Variants in NUBPL observed in about 807,000 individuals in gnomAD.
NUBPL encodes the protein NUBP iron-sulfur cluster assembly factor, mitochondrial, also known as iron-sulfur cluster transfer protein NUBPL.
NUBPL carries 31 observed loss-of-function variants against 45.7 expected under a neutral mutation model. That is an observed-to-expected ratio of 0.68 (90% confidence interval 0.51 to 0.92). The LOEUF is 0.92. Ranked by LOEUF, NUBPL falls within the 40% of genes least tolerant of loss-of-function variation. The pLI is 0.00. For synonymous variants in NUBPL, 144 were observed against 140.9 expected, an observed-to-expected ratio of 1.02 and a Z score of -0.15; for missense variants, 401 against 398.7, an observed-to-expected ratio of 1.01 and a Z score of -0.05.
chr14:31,826,049 T>A (rs1217814793), intron 7 of NUBPL, among the ~76,000 whole-genome samples: 1 of 152,060 alleles, frequency 6.6e-6, no homozygotes, highest in Non-Finnish European at 1.5e-5. Context: ...GCACATTATC[T>A]GAATGAGAAG....
At chr14:31,753,440 G>A (rs768793334) in intron 6 of NUBPL, among the ~76,000 whole-genome samples, 8 of 152,092 alleles carry the variant, frequency 5.3e-5, no homozygotes, top group East Asian at 1.9e-4. Flanking sequence ...CTAGACCACC[G>A]GGAGTATAGT....
chr14:31,577,939 A>ATAT (rs2033758875), intron 3 of NUBPL: 1 of 1,287,814 alleles, frequency 7.8e-7, no homozygotes, highest in African/African-American at 1.5e-5. Flanking sequence ...ATGCCATTAG[A>ATAT]GTGACCATGA....
intron 6 of NUBPL, among the ~76,000 whole-genome samples, chr14:31,698,074 T>G (rs1444345348): frequency 6.6e-6 from 1 of 152,204 alleles, no homozygotes; most frequent in African/African-American, 2.4e-5. Flanking sequence ...GTATATACTG[T>G]ATTTCATTGA....
intron 4 of NUBPL, among the ~76,000 whole-genome samples, chr14:31,656,426 C>A (rs1189325951): frequency 6.6e-6 from 1 of 152,180 alleles, no homozygotes; most frequent in Admixed American, 6.5e-5. Flanking sequence ...GTTTTTGACA[C>A]AATTTCCTTA....
intron 8 of NUBPL, among the ~76,000 whole-genome samples, chr14:31,838,279 CAAA>C (rs748313330): frequency 2.7e-4 from 16 of 60,272 alleles, no homozygotes; most frequent in South Asian, 6.7e-4. Flanking sequence ...TAATATCCAG[CAAA>C]AAAAAAAAAA....
rs35433432 is a variant in NUBPL at position 31,565,047 on chromosome 14, C to T, written c.290C>T (p.Ser97Leu). 5.9e-5 allele frequency: 91 copies of T among 1,530,952 alleles called. No homozygotes were observed. Among genetic ancestry groups the T allele is most frequent in the Middle Eastern group, 1.8e-4 (1 of 5,668 alleles). The allele number at this position is 1,530,952 out of a possible 1,614,324, so 94.8% of individuals were successfully genotyped here. The change falls in exon 3 of 11, where the codon TCG (serine) becomes TTG (leucine). Residue 97 changes from serine to leucine, a missense_variant and splice_region_variant. Transcript: ENST00000281081. ...NLALALAAND[S>L]SKAIGLLDVD... is the part of the protein sequence containing the mutation. ...GCACTTGCACTAGCAGCGAACGATT[C>T]GGTAGGTGTTTATTAATAGAAATAT...
chr14:31,742,237 TACAC>T (rs3035713), intron 6 of NUBPL, among the ~76,000 whole-genome samples: 5,379 of 141,418 alleles, frequency 0.038, 108 homozygotes, highest in Non-Finnish European at 0.049. Context: ...AACTATTGTG[TACAC>T]ACACACACAC....
At chr14:31,854,252 T>C (rs1480494832) in intron 10 of NUBPL, among the ~76,000 whole-genome samples, 1 of 152,210 alleles carries the variant, frequency 6.6e-6, no homozygotes, top group African/African-American at 2.4e-5. Flanking sequence ...CTGTATTATC[T>C]GTGCCTCTAG....
At chr14:31,802,456 T>G (rs926094294) in intron 7 of NUBPL, among the ~76,000 whole-genome samples, 1 of 152,040 alleles carries the variant, frequency 6.6e-6, no homozygotes, top group Non-Finnish European at 1.5e-5. Context: ...TTTTGTATTT[T>G]TAGTAGAGAC....
intron 6 of NUBPL, among the ~76,000 whole-genome samples, chr14:31,756,872 C>T (rs962053631): frequency 4.0e-5 from 6 of 149,186 alleles, no homozygotes; most frequent in Admixed American, 1.3e-4. Context: ...TGAGATACGT[C>T]CCATCAATAC....
intron 3 of NUBPL, among the ~76,000 whole-genome samples, chr14:31,570,713 T>C (rs1011956306): frequency 1.3e-5 from 2 of 152,178 alleles, no homozygotes; most frequent in Non-Finnish European, 2.9e-5. Context: ...TTAAGGCACG[T>C]GCTACTTTTG....
intron 4 of NUBPL, among the ~76,000 whole-genome samples, chr14:31,666,570 A>G (rs2036434930): frequency 6.6e-6 from 1 of 152,020 alleles, no homozygotes. Context: ...GCCAAGGTTA[A>G]TATTGTTATG....
chr14:31,672,553 C>G (rs912620045), intron 4 of NUBPL, among the ~76,000 whole-genome samples: 1 of 152,092 alleles, frequency 6.6e-6, no homozygotes, highest in Non-Finnish European at 1.5e-5. Context: ...ACGTCTGCCT[C>G]CCAGGTCCAA....
At chr14:31,838,090 C>T (rs2040310606) in intron 8 of NUBPL, among the ~76,000 whole-genome samples, 1 of 151,950 alleles carries the variant, frequency 6.6e-6, no homozygotes, top group Non-Finnish European at 1.5e-5. Flanking sequence ...CAAGCCAGCA[C>T]AATGAGAGTC....
chr14:31,621,777 G>A (rs2035069936), intron 4 of NUBPL, among the ~76,000 whole-genome samples: 1 of 152,180 alleles, frequency 6.6e-6, no homozygotes, highest in African/African-American at 2.4e-5. Context: ...TTAAAATAAA[G>A]TACCCAGTCT....
intron 7 of NUBPL, among the ~76,000 whole-genome samples, chr14:31,826,282 G>T (rs921120214): frequency 6.6e-6 from 1 of 151,782 alleles, no homozygotes; most frequent in Non-Finnish European, 1.5e-5. Context: ...CACCATGCCC[G>T]GCTAATTTTT....
chr14:31,617,812 C>CTA (rs1373348819), intron 4 of NUBPL, among the ~76,000 whole-genome samples: 1 of 152,088 alleles, frequency 6.6e-6, no homozygotes, highest in African/African-American at 2.4e-5. Flanking sequence ...GGGAGGAGTC[C>CTA]CTCTTTTTCT....
chr14:31,689,706 T>G (rs776723692), intron 6 of NUBPL, among the ~76,000 whole-genome samples: 2 of 152,240 alleles, frequency 1.3e-5, no homozygotes, highest in Non-Finnish European at 2.9e-5. Context: ...TTGCGATTGC[T>G]GTTGACATCT....
intron 2 of NUBPL, among the ~76,000 whole-genome samples, chr14:31,563,534 C>T (rs971312486): frequency 1.3e-5 from 2 of 152,148 alleles, no homozygotes; most frequent in African/African-American, 2.4e-5. Flanking sequence ...TTCATAACAG[C>T]TCTGTGAGCA....
Sources: gnomAD v4.1 joint callset for allele counts (sites outside exome capture counted in the v4.1 genomes callset) on GRCh38, gnomAD v4.1.1 for gene constraint, MANE v1.5 for transcripts, NCBI Gene and HGNC (gene_info 2026-07-23, HGNC 2026-07-21) for gene names.